TENM1: variants seen among roughly 807,000 people sequenced by gnomAD.
The protein encoded by TENM1 is teneurin-1.
TENM1 carries 35 observed loss-of-function variants against 174.8 expected under a neutral mutation model. The ratio of observed to expected loss-of-function variants is 0.20; its 90% CI spans 0.15 to 0.27. The LOEUF (loss-of-function observed/expected upper bound fraction) is 0.27. Ranked by LOEUF, TENM1 falls within the 10% of genes least tolerant of loss-of-function variation. TENM1 has a pLI of 1.00. For missense variants in TENM1, 1,633 were observed against 2,130.1 expected (o/e 0.77, Z 4.59); for synonymous variants, 781 against 798.7 (o/e 0.98, Z 0.37).
In TENM1 at chrX:124,520,810, C is replaced by T. The variant is rs759592368; in HGVS notation, c.3034-26G>A. 2.8e-5 allele frequency: 25 copies of T among 904,442 alleles called. No individual in the cohort carries two copies. In the East Asian group the frequency reaches 2.9e-4, roughly 10 times the overall value. The allele number at this position is 904,442 out of a possible 1,213,427, so 74.5% of individuals were successfully genotyped here. Reference sequence around the variant, plus strand: ...CTGAAATAAAAAAAAAAAAAAAAAGCCAAATAGGCTCTTGTCAGTGGTCGC... The same window carrying T: ...CTGAAATAAAAAAAAAAAAAAAAAGTCAAATAGGCTCTTGTCAGTGGTCGC... On this transcript the variant is annotated intron_variant, in intron 17 of 31. Coordinates refer to ENST00000422452, the Ensembl canonical transcript of TENM1.
At chrX:124,565,416 C>G in exon 12 of TENM1, 1 of 1,209,216 alleles carries the variant, frequency 8.3e-7, no homozygotes, top group Non-Finnish European at 1.1e-6. Flanking sequence ...GCTACACTCA[C>G]ATTTTCCATC....
At chrX:124,437,569 C>T (rs1021271790) in intron 23 of TENM1, among the ~76,000 whole-genome samples, 1 of 111,762 alleles carries the variant, frequency 8.9e-6, no homozygotes, top group Non-Finnish European at 1.9e-5. Flanking sequence ...TGTGACTCTC[C>T]CATGTTATTC....
At chrX:125,177,324 A>G in the TENM1 span, among the ~76,000 whole-genome samples, 1 of 112,013 alleles carries the variant, frequency 8.9e-6, no homozygotes, top group Non-Finnish European at 1.9e-5. Flanking sequence ...GAAAACAGCT[A>G]TTTAAAGTCA....
the TENM1 span, among the ~76,000 whole-genome samples, chrX:125,176,490 A>C: frequency 9.0e-6 from 1 of 111,650 alleles, no homozygotes; most frequent in Non-Finnish European, 1.9e-5. Flanking sequence ...GCTCTCAGGG[A>C]CAAAAATCTT....
intron 3 of TENM1, among the ~76,000 whole-genome samples, chrX:124,794,482 C>T (rs145430243): frequency 1.4e-3 from 160 of 111,339 alleles, no homozygotes; most frequent in African/African-American, 4.8e-3. Flanking sequence ...ACATGCAATA[C>T]GTCACCACAT....
chrX:124,816,549 T>C (rs2055899645), intron 3 of TENM1, among the ~76,000 whole-genome samples: 1 of 111,807 alleles, frequency 8.9e-6, no homozygotes. Flanking sequence ...GGCATCTTAT[T>C]TCATGTCTGA....
chrX:124,598,980 TAC>T (rs2049969586), intron 11 of TENM1, among the ~76,000 whole-genome samples: 1 of 111,727 alleles, frequency 9.0e-6, no homozygotes, highest in African/African-American at 3.3e-5. Flanking sequence ...GTGATTATTA[TAC>T]ACTGCATGCC....
chrX:124,650,349 CAAGAG>C (rs901875655), intron 8 of TENM1, among the ~76,000 whole-genome samples: 5 of 109,046 alleles, frequency 4.6e-5, no homozygotes, highest in Non-Finnish European at 7.6e-5. Flanking sequence ...TTTAAAAAGA[CAAGAG>C]AAAAGTAAAG....
rs376526890 is a variant in TENM1 at position 124,558,270 on chromosome X, T to C, written c.2434+3401A>G. On this transcript the variant is annotated intron_variant, in intron 14 of 31. Coordinates refer to ENST00000422452, the Ensembl canonical transcript of TENM1. ...TAACTAAAGTCAAAGCTTCAGGAAG[T>C]AGCAGCAATACTAATGAGTATTCAA... is the stretch of plus-strand genomic sequence containing the variant. 1.9e-4 allele frequency among the ~76,000 whole-genome samples: 21 copies of C among 111,576 alleles called. No homozygotes were observed. The South Asian group carries it at 7.5e-3, about 40-fold the overall frequency.
intron 3 of TENM1, among the ~76,000 whole-genome samples, chrX:124,774,064 G>C (rs969586971): frequency 8.9e-6 from 1 of 111,823 alleles, no homozygotes; most frequent in Non-Finnish European, 1.9e-5. Context: ...TATAAGATTA[G>C]GTCCCTAAGA....
chrX:124,979,557 T>C, the TENM1 span, among the ~76,000 whole-genome samples: 2 of 112,004 alleles, frequency 1.8e-5, no homozygotes, highest in Admixed American at 9.5e-5. Context: ...TTTAAATTAA[T>C]TTCATGTGAC....
chrX:125,003,524 A>G, the TENM1 span, among the ~76,000 whole-genome samples: 18 of 111,844 alleles, frequency 1.6e-4, no homozygotes, highest in African/African-American at 5.8e-4. Context: ...TATTTTCAAG[A>G]TATAAGATGT....
exon 25 of TENM1, chrX:124,420,566 G>A (rs142556182): frequency 8.3e-6 from 10 of 1,210,972 alleles, no homozygotes; most frequent in Admixed American, 2.2e-5. Flanking sequence ...AGAATTGTAG[G>A]TGAAGTTATA....
At chrX:124,931,727 TGGCCTACGCTG>T (rs1203968033) in intron 1 of TENM1, among the ~76,000 whole-genome samples, 3 of 111,158 alleles carry the variant, frequency 2.7e-5, no homozygotes, top group Non-Finnish European at 3.8e-5. Context: ...ACATTTTCTG[TGGCCTACGCTG>T]GAGAAAGAAG....
At chrX:124,742,433 G>T (rs781320885) in intron 3 of TENM1, among the ~76,000 whole-genome samples, 2 of 111,353 alleles carry the variant, frequency 1.8e-5, no homozygotes, top group South Asian at 7.5e-4. Flanking sequence ...GACCTGAAAT[G>T]CTTTGAGGAT....
chrX:124,417,500 CT>C (rs879755319), intron 25 of TENM1, among the ~76,000 whole-genome samples: 1 of 111,515 alleles, frequency 9.0e-6, no homozygotes, highest in Non-Finnish European at 1.9e-5. Flanking sequence ...GTGTGAGCCA[CT>C]GTGCCTGGCC....
intron 7 of TENM1, 44 bp from the exon 11 acceptor site, chrX:124,652,168 C>T (rs768989203): frequency 1.4e-5 from 17 of 1,178,081 alleles, no homozygotes; most frequent in Non-Finnish European, 1.8e-5. Flanking sequence ...ACTTTTTCTT[C>T]TAGACTGATA....
At position 124,751,385 on chromosome X, in the gene TENM1, A is replaced by G. The variant is rs142259234; in HGVS notation, c.536-14188T>C. Among the ~76,000 whole-genome samples, 931 of 111,899 alleles carry G rather than the reference A, an allele frequency of 8.3e-3. 14 individuals are homozygous for G. Among genetic ancestry groups the G allele is most frequent in the African/African-American group, 0.028 (876 of 30,812 alleles). On this transcript the variant is annotated intron_variant, in intron 3 of 31. Coordinates refer to ENST00000422452, the Ensembl canonical transcript of TENM1. ...TTCTCTAAATACATGTTAGATTACAACAATAGATAATTATGAGGATAGTTT... is the reference window on the plus strand; with the variant it reads ...TTCTCTAAATACATGTTAGATTACAGCAATAGATAATTATGAGGATAGTTT...
the TENM1 span, among the ~76,000 whole-genome samples, chrX:124,998,552 A>AGCTCAGT: frequency 9.0e-6 from 1 of 111,105 alleles, no homozygotes; most frequent in Non-Finnish European, 1.9e-5. Context: ...CCACATGGCA[A>AGCTCAGT]GCTCAGTGTA....
Sources: gnomAD v4.1 joint callset for allele counts (sites outside exome capture counted in the v4.1 genomes callset) on GRCh38, gnomAD v4.1.1 for gene constraint, MANE v1.5 for transcripts, NCBI Gene and HGNC (gene_info 2026-07-23, HGNC 2026-07-21) for gene names.